The following KCNQ1 variants were observed in gnomAD, a reference collection of about 807,000 sequenced individuals.
KCNQ1 encodes potassium voltage-gated channel subfamily Q member 1.
Under a neutral mutation model 72.4 loss-of-function variants are expected in KCNQ1, and 49 were observed. That is an observed-to-expected ratio of 0.68 (90% CI 0.54 to 0.86). KCNQ1 has a LOEUF of 0.86. Ranked by LOEUF, KCNQ1 falls within the 40% of genes least tolerant of loss-of-function variation. KCNQ1 has a pLI of 0.00. For missense variants in KCNQ1, 790 were observed against 945.1 expected (o/e 0.84, Z 2.15); for synonymous variants, 450 against 412.6 (o/e 1.09, Z -1.10).
At chr11:2,548,385 C>T (rs547683433) in intron 2 of KCNQ1, among the ~76,000 whole-genome samples, 3 of 152,294 alleles carry the variant, frequency 2.0e-5, no homozygotes, top group Non-Finnish European at 2.9e-5. Context: ...AATATCCATG[C>T]GTATAATCGG....
intron 11 of KCNQ1, chr11:2,667,018 G>T (rs1031505199): frequency 5.0e-6 from 2 of 398,678 alleles, no homozygotes; most frequent in Admixed American, 8.8e-5. Context: ...TAGGATCCCC[G>T]TCAGAGCCCC....
Position 2,454,537 on chromosome 11 carries a change from G to A in KCNQ1, c.386+9053G>A, listed in dbSNP as rs149191512. ...CATGCAGTGGCCACATAATTGTTGTGATACTATTTGTTATATTATTCTAAG... is the reference window on the plus strand; with the variant it reads ...CATGCAGTGGCCACATAATTGTTGTAATACTATTTGTTATATTATTCTAAG... On this transcript the variant is annotated intron_variant, in intron 1 of 15. Coordinates refer to ENST00000155840, the MANE Select transcript of KCNQ1 (RefSeq NM_000218.3). Among the ~76,000 whole-genome samples, 228 of 152,266 alleles carry A rather than the reference G, an allele frequency of 1.5e-3. 1 individual carries two copies. Among genetic ancestry groups the A allele is most frequent in the African/African-American group, 5.4e-3 (223 of 41,546 alleles).
rs61871513 is a variant in KCNQ1 at position 2,567,168 on chromosome 11, T to G, written c.478-3460T>G. Among the ~76,000 whole-genome samples the G allele has an allele frequency of 0.021, 3,141 of 152,208 alleles. 44 individuals are homozygous for G. Among genetic ancestry groups the G allele is most frequent in the Non-Finnish European group, 0.033 (2,259 of 67,974 alleles). ...TGTGGACAGCAGGAGCTATGGCAGC[T>G]GCTTGAGCAAGGTGGGCAAGGGAGA... is the stretch of plus-strand genomic sequence containing the variant. On this transcript the variant is annotated intron_variant, in intron 2 of 15. Transcript: ENST00000155840. The surrounding 1 kb of genome is among the most constrained non-coding windows in gnomAD (Gnocchi z 6.6).
chr11:2,753,661 C>T (rs1379416971), intron 11 of KCNQ1, among the ~76,000 whole-genome samples: 1 of 152,210 alleles, frequency 6.6e-6, no homozygotes, highest in African/African-American at 2.4e-5. Context: ...TTTTCATCAC[C>T]CTCAAAATGT....
chr11:2,608,335 T>C lies in KCNQ1; in HGVS notation c.1393+19481T>C, dbSNP rs1848914406. On this transcript the variant is annotated intron_variant, in intron 10 of 15. Transcript: ENST00000155840. The surrounding 1 kb of genome is among the most constrained non-coding windows in gnomAD (Gnocchi z 4.6). ...CATTTTCTACTTATTTCTTAGTCAGTTTTCATAGTTTTCATCTTTCTAGGA... is the reference window on the plus strand; with the variant it reads ...CATTTTCTACTTATTTCTTAGTCAGCTTTCATAGTTTTCATCTTTCTAGGA... The C allele has an allele frequency of 2.5e-6, 1 of 398,528 alleles. No homozygotes were observed. Among genetic ancestry groups the C allele is most frequent in the Non-Finnish European group, 4.4e-6 (1 of 226,050 alleles). 24.7% of individuals were successfully genotyped at this position (398,528 alleles called of 1,614,324 possible).
At chr11:2,819,888 C>T (rs1226678543) in intron 15 of KCNQ1, among the ~76,000 whole-genome samples, 1 of 152,150 alleles carries the variant, frequency 6.6e-6, no homozygotes, top group Non-Finnish European at 1.5e-5. Context: ...ATTGTGTTTT[C>T]AATTTTATTG....
Position 2,671,739 on chromosome 11 carries a change from A to G in KCNQ1, c.1514+9658A>G, listed in dbSNP as rs907205178. 2.5e-6 allele frequency: 1 copy of G among 398,598 alleles called. No homozygotes were observed. The highest frequency in any genetic ancestry group is 4.4e-6 in the Non-Finnish European group (1 of 226,120). 24.7% of individuals were successfully genotyped at this position (398,598 alleles called of 1,614,324 possible). A position where few individuals can be genotyped will look rare whatever the true frequency, so the allele number is the denominator to read the frequency against. On this transcript the variant is annotated intron_variant, in intron 11 of 15. Coordinates refer to ENST00000155840, the MANE Select transcript of KCNQ1 (RefSeq NM_000218.3). This position sits in a 1 kb window ranked among gnomAD's most constrained non-coding sequence, Gnocchi z 4.7. ...TGGTAGGCAAGGCTTTTCAGAGAAC[A>G]AGGAGCTACATACACATACATGCAT...
intron 2 of KCNQ1, among the ~76,000 whole-genome samples, chr11:2,551,493 A>C (rs1847983398): frequency 1.3e-5 from 2 of 152,262 alleles, no homozygotes; most frequent in Admixed American, 1.3e-4. Flanking sequence ...TTGTTTATCC[A>C]TTCACAGGCT....
chr11:2,716,367 G>A (rs1340900196), intron 11 of KCNQ1, among the ~76,000 whole-genome samples: 1 of 152,170 alleles, frequency 6.6e-6, no homozygotes, highest in Non-Finnish European at 1.5e-5. Flanking sequence ...GGAGCTGCGT[G>A]GTCAGCTGGC....
At chr11:2,837,837 G>C (rs1016839439) in intron 15 of KCNQ1, among the ~76,000 whole-genome samples, 1 of 152,242 alleles carries the variant, frequency 6.6e-6, no homozygotes, top group Non-Finnish European at 1.5e-5. Flanking sequence ...CGCCCAGGGG[G>C]CCACAGGGGC....
At chr11:2,636,815 T>TG (rs1393584168) in intron 10 of KCNQ1, 1 of 152,268 alleles carries the variant, frequency 6.6e-6, no homozygotes, top group African/African-American at 2.4e-5. Context: ...CGTCTGGTCC[T>TG]GGACTTTTTT....
At chr11:2,502,597 A>G (rs1204103178) in intron 1 of KCNQ1, among the ~76,000 whole-genome samples, 2 of 152,220 alleles carry the variant, frequency 1.3e-5, no homozygotes, top group Non-Finnish European at 2.9e-5. Context: ...TATTGTTAAA[A>G]TGTCTGTATT....
intron 10 of KCNQ1, chr11:2,622,661 A>G (rs946845526): frequency 1.0e-5 from 4 of 398,432 alleles, no homozygotes; most frequent in East Asian, 3.6e-5. Context: ...ATTTTCTGAT[A>G]GTGTACCATT....
intron 11 of KCNQ1, among the ~76,000 whole-genome samples, chr11:2,731,501 C>T (rs909583363): frequency 3.3e-5 from 5 of 152,322 alleles, no homozygotes; most frequent in East Asian, 1.9e-4. Flanking sequence ...ACACCCAGGG[C>T]GGCCATCTCT....
rs1849154762 is a variant in KCNQ1 at position 2,620,665 on chromosome 11, C to G, written c.1393+31811C>G. The G allele has an allele frequency of 5.0e-6, 2 of 398,338 alleles. No individual in the cohort carries two copies. The highest frequency in any genetic ancestry group is 8.8e-6 in the Non-Finnish European group (2 of 226,044). The allele number at this position is 398,338 out of a possible 1,614,324, so 24.7% of individuals were successfully genotyped here. A position where few individuals can be genotyped will look rare whatever the true frequency, so the allele number is the denominator to read the frequency against. The stretch of plus-strand genomic sequence containing the variant: ...GTGATGAACATACAAATGCATGTGT[C>G]TTTTTGATAGAACAATTTATTTTCC... On this transcript the variant is annotated intron_variant, in intron 10 of 15. Transcript: ENST00000155840. This position sits in a 1 kb window ranked among gnomAD's most constrained non-coding sequence, Gnocchi z 4.5.
chr11:2,751,491 G>A (rs989148593), intron 11 of KCNQ1, among the ~76,000 whole-genome samples: 5 of 152,368 alleles, frequency 3.3e-5, no homozygotes, highest in East Asian at 1.9e-4. Context: ...GGGGACTTGC[G>A]TCTCAGTGCA....
At chr11:2,741,830 CCTT>C (rs1846057048) in intron 11 of KCNQ1, among the ~76,000 whole-genome samples, 2 of 152,186 alleles carry the variant, frequency 1.3e-5, no homozygotes, top group South Asian at 2.1e-4. Flanking sequence ...TCCTCCTTGA[CCTT>C]CTTAGGAGGG....
rs981034714 is a variant in KCNQ1, at chr11:2,598,758, C to A, written c.1393+9904C>A. On this transcript the variant is annotated intron_variant, in intron 10 of 15. Coordinates refer to ENST00000155840, the MANE Select transcript of KCNQ1 (RefSeq NM_000218.3). The surrounding 1 kb of genome is among the most constrained non-coding windows in gnomAD (Gnocchi z 6.2). ...TGGCCAACCTTCTTTAGGGTCATAGCCCAGCTCTGCCATTTTCTTATGTGG... is the reference window on the plus strand; with the variant it reads ...TGGCCAACCTTCTTTAGGGTCATAGACCAGCTCTGCCATTTTCTTATGTGG... Among the ~76,000 whole-genome samples the A allele has an allele frequency of 6.6e-6, 1 of 152,180 alleles. No homozygotes were observed. Among genetic ancestry groups the A allele is most frequent in the Admixed American group, 6.5e-5 (1 of 15,282 alleles).
chr11:2,833,410 C>A (rs1017129452), intron 15 of KCNQ1, among the ~76,000 whole-genome samples: 5 of 152,160 alleles, frequency 3.3e-5, no homozygotes, highest in African/African-American at 1.2e-4. Flanking sequence ...CCCCTTGGGA[C>A]CTCTGTGAAG....
Sources: allele counts gnomAD v4.1 joint callset (sites outside exome capture counted in the v4.1 genomes callset), GRCh38; gene constraint gnomAD v4.1.1; non-coding constraint Gnocchi (gnomAD v3.1); transcripts MANE v1.5; gene names NCBI Gene and HGNC (gene_info 2026-07-23, HGNC 2026-07-21).